The following CSMD1 variants were observed in gnomAD, a reference collection of about 807,000 sequenced individuals.
CSMD1 encodes the protein CUB and Sushi multiple domains 1.
A neutral mutation model predicts 417.5 loss-of-function variants in CSMD1; 213 were observed. That is an observed-to-expected ratio of 0.51 (90% confidence interval 0.46 to 0.57). CSMD1 has a LOEUF of 0.57. Ranked by LOEUF, CSMD1 falls within the 20% of genes least tolerant of loss-of-function variation. The pLI is 0.00. For synonymous variants in CSMD1, 2,862 were observed against 1,736.8 expected, an observed-to-expected ratio of 1.65 and a Z score of -16.11; for missense variants, 6,923 against 4,529.7, an observed-to-expected ratio of 1.53 and a Z score of -15.17.
intron 1 of CSMD1, among the ~76,000 whole-genome samples, chr8:4,735,170 C>G (rs757183209): frequency 6.6e-6 from 1 of 152,178 alleles, no homozygotes; most frequent in Non-Finnish European, 1.5e-5. Flanking sequence ...TGCTCCCTCA[C>G]CAATGAGGAA....
At chr8:3,231,517 A>C (rs1798837664) in intron 26 of CSMD1, among the ~76,000 whole-genome samples, 1 of 152,188 alleles carries the variant, frequency 6.6e-6, no homozygotes, top group African/African-American at 2.4e-5. Flanking sequence ...GTGCATATAC[A>C]TATGTCTACA....
intron 2 of CSMD1, among the ~76,000 whole-genome samples, chr8:4,466,720 G>A (rs4875104): frequency 0.069 from 10,450 of 152,038 alleles, 536 homozygotes; most frequent in Non-Finnish European, 0.088. Flanking sequence ...TTAAAATGGT[G>A]TACAACAAAT....
At chr8:3,529,993 C>A (rs1797911391) in intron 10 of CSMD1, among the ~76,000 whole-genome samples, 1 of 151,762 alleles carries the variant, frequency 6.6e-6, no homozygotes, top group Non-Finnish European at 1.5e-5. Flanking sequence ...TTTTTGTTTC[C>A]CCATGACAAT....
chr8:3,950,029 G>A, intron 5 of CSMD1: 2 of 455,706 alleles, frequency 4.4e-6, no homozygotes, highest in South Asian at 1.5e-5. Context: ...CATTTCCTGT[G>A]CGTATTTGCT....
chr8:4,404,856 C>T (rs903081918), intron 3 of CSMD1, among the ~76,000 whole-genome samples: 3 of 152,272 alleles, frequency 2.0e-5, no homozygotes, highest in African/African-American at 7.2e-5. Flanking sequence ...TTACACTCTA[C>T]CAGCCACACT....
intron 1 of CSMD1, among the ~76,000 whole-genome samples, chr8:4,801,984 T>C (rs189833466): frequency 3.3e-4 from 50 of 152,276 alleles, no homozygotes; most frequent in African/African-American, 1.2e-3. Context: ...CATCCATCAT[T>C]GAAGCAAGGC....
chr8:4,161,819 T>A (rs1797187677), intron 3 of CSMD1, among the ~76,000 whole-genome samples: 4 of 152,244 alleles, frequency 2.6e-5, no homozygotes, highest in African/African-American at 9.6e-5. Flanking sequence ...TTTCATAATC[T>A]GCTATATGAT....
chr8:4,908,259 A>G (rs1364220363), intron 1 of CSMD1, among the ~76,000 whole-genome samples: 4 of 152,194 alleles, frequency 2.6e-5, no homozygotes, highest in Non-Finnish European at 2.9e-5. Context: ...AGGGTAAAGT[A>G]TTCCTTCCTG....
chr8:3,797,226 C>G (rs996360795), intron 5 of CSMD1, among the ~76,000 whole-genome samples: 1 of 151,740 alleles, frequency 6.6e-6, no homozygotes, highest in Non-Finnish European at 1.5e-5. Context: ...GAACTTCAAC[C>G]ATCTCTATTT....
intron 1 of CSMD1, among the ~76,000 whole-genome samples, chr8:4,756,269 T>C (rs1246130774): frequency 6.6e-6 from 1 of 152,170 alleles, no homozygotes; most frequent in African/African-American, 2.4e-5. Context: ...TAGTATAAAA[T>C]CACATTGCCA....
At position 4,871,786 on chromosome 8, in the gene CSMD1, G is replaced by T. The variant is rs551157570; in HGVS notation, c.85+122546C>A. Among the ~76,000 whole-genome samples the T allele has an allele frequency of 2.6e-5, 4 of 152,180 alleles. No homozygotes were observed. The South Asian group carries it at 8.3e-4, about 32-fold the overall frequency. On this transcript the variant is annotated intron_variant, in intron 1 of 69. Transcript: ENST00000635120. ...TCCCTCTTTTGAAACTGTACATTTAGATTGTACACTTTTGAAAAACCTTTC... is the reference window on the plus strand; with the variant it reads ...TCCCTCTTTTGAAACTGTACATTTATATTGTACACTTTTGAAAAACCTTTC...
At chr8:4,970,695 C>T (rs767822377) in intron 1 of CSMD1, among the ~76,000 whole-genome samples, 7 of 152,154 alleles carry the variant, frequency 4.6e-5, no homozygotes, top group Non-Finnish European at 1.0e-4. Flanking sequence ...CTGACAAATG[C>T]TATCTTAACT....
At chr8:4,629,205 T>G (rs192565267) in intron 2 of CSMD1, among the ~76,000 whole-genome samples, 1 of 152,172 alleles carries the variant, frequency 6.6e-6, no homozygotes, top group Non-Finnish European at 1.5e-5. Flanking sequence ...AATTTCTGAA[T>G]GAAAAGTTTG....
rs147434134 is a variant in CSMD1, at chr8:3,625,926, G to C, written c.1010-9129C>G. 1.4e-4 allele frequency among the ~76,000 whole-genome samples: 22 copies of C among 152,278 alleles called. No individual in the cohort carries two copies. In the East Asian group the frequency reaches 4.2e-3, roughly 29 times the overall value. ...ATCACGGTAGCAGTAAATGTTCAAA[G>C]AGAAAATGTTTTCCTTATAAAGCTT... On this transcript the variant is annotated intron_variant, in intron 7 of 69. Transcript: ENST00000635120.
chr8:4,586,285 A>G (rs557036400), intron 2 of CSMD1, among the ~76,000 whole-genome samples: 1 of 152,234 alleles, frequency 6.6e-6, no homozygotes, highest in African/African-American at 2.4e-5. Context: ...AGTACCCATC[A>G]GCCATTCCCA....
intron 2 of CSMD1, among the ~76,000 whole-genome samples, chr8:4,427,711 A>G (rs954099836): frequency 1.3e-5 from 2 of 152,178 alleles, no homozygotes; most frequent in Non-Finnish European, 2.9e-5. Flanking sequence ...TGTTCTATTC[A>G]GCATATCACT....
At chr8:4,119,740 G>C (rs534971786) in intron 3 of CSMD1, among the ~76,000 whole-genome samples, 2 of 152,214 alleles carry the variant, frequency 1.3e-5, no homozygotes, top group Non-Finnish European at 2.9e-5. Flanking sequence ...CCTCCAAACA[G>C]TGGGAAATGA....
chr8:4,773,687 C>T (rs1796708240), intron 1 of CSMD1, among the ~76,000 whole-genome samples: 1 of 152,140 alleles, frequency 6.6e-6, no homozygotes, highest in African/African-American at 2.4e-5. Context: ...TCAGGCTTTG[C>T]ACGCCACGCT....
intron 3 of CSMD1, among the ~76,000 whole-genome samples, chr8:4,238,855 A>C (rs866783378): frequency 1.3e-5 from 2 of 152,178 alleles, no homozygotes; most frequent in Admixed American, 6.5e-5. Flanking sequence ...ATTTTTAAAA[A>C]TCGATAGCAA....
Sources: gnomAD v4.1 joint callset for allele counts (sites outside exome capture counted in the v4.1 genomes callset) on GRCh38, gnomAD v4.1.1 for gene constraint, MANE v1.5 for transcripts, NCBI Gene and HGNC (gene_info 2026-07-23, HGNC 2026-07-21) for gene names.